NUB1: variants seen among roughly 807,000 people sequenced by gnomAD.
The protein encoded by NUB1 is NEDD8 ultimate buster 1.
NUB1 carries 41 observed loss-of-function variants against 77.1 expected under a neutral mutation model. The observed-to-expected ratio is 0.53, with a 90% CI of 0.41 to 0.69. The LOEUF is 0.69. Ranked by LOEUF, NUB1 falls within the 30% of genes least tolerant of loss-of-function variation. The pLI is 0.00. For synonymous variants in NUB1, 257 were observed against 281.0 expected, an observed-to-expected ratio of 0.91 and a Z score of 0.85; for missense variants, 643 against 743.8, an observed-to-expected ratio of 0.86 and a Z score of 1.58.
intron 5 of NUB1, among the ~76,000 whole-genome samples, chr7:151,354,934 G>A (rs540641319): frequency 2.0e-5 from 3 of 152,242 alleles, no homozygotes; most frequent in East Asian, 3.9e-4. Flanking sequence ...CTGTGGAGAC[G>A]GGGTCCACTG....
chr7:151,345,576 A>G (rs1243626941), intron 2 of NUB1, 110 bp downstream of exon 2: 2 of 602,432 alleles, frequency 3.3e-6, no homozygotes, highest in South Asian at 2.5e-5. Flanking sequence ...AACCAAAAGC[A>G]TTAGTGGTGA....
chr7:151,342,266 C>T (rs1796250478), intron 1 of NUB1, among the ~76,000 whole-genome samples: 1 of 152,192 alleles, frequency 6.6e-6, no homozygotes, highest in African/African-American at 2.4e-5. Context: ...ACTTGATTTT[C>T]TCGAACCTTG....
chr7:151,357,217 G>T (rs892015847), intron 7 of NUB1, among the ~76,000 whole-genome samples: 5 of 143,520 alleles, frequency 3.5e-5, no homozygotes, highest in Admixed American at 7.2e-5. Flanking sequence ...ATGGAGTCTC[G>T]CTCTGTTGCC....
In NUB1 at chr7:151,356,153, A is replaced by G. The variant is rs1797053820; in HGVS notation, c.624A>G (p.Glu208=). Residue 208 remains glutamate, a synonymous_variant, in exon 7 of 15, where the codon GAA becomes GAG. Transcript: ENST00000568733. The part of the protein sequence containing the change: ...KRAAETVVDP[E]MTPYLDIANQ... ...CAGCAGAGACAGTGGTGGATCCAGA[A>G]ATGACACCGTACTTAGACATAGCTA... is the stretch of plus-strand genomic sequence containing the variant. 4 of 1,613,922 alleles carry G rather than the reference A, an allele frequency of 2.5e-6. No homozygotes were observed. Among genetic ancestry groups the G allele is most frequent in the Non-Finnish European group, 3.4e-6 (4 of 1,179,800 alleles).
rs1231185584 is a variant in NUB1, at chr7:151,367,105, CA to C, written c.968del (p.Gln323ArgfsTer6). On this transcript the variant is annotated frameshift_variant, in exon 9 of 15. Coordinates refer to ENST00000568733, the MANE Select transcript of NUB1 (RefSeq NM_001243351.2). LOFTEE classifies it high-confidence loss of function. ...CFKNCYGENHQRLVHIKGNCG... is the reference protein window; with the variant it reads ...CFKNCYGENHXRLVHIKGNCG... ...TAAAAATTGTTACGGAGAAAATCAT[CA>C]GAGACTGGTCCACATAAAAGTATGT... 6.2e-7 allele frequency: 1 copy of C among 1,613,380 alleles called. No individual in the cohort carries two copies. Among genetic ancestry groups the C allele is most frequent in the Non-Finnish European group, 8.5e-7 (1 of 1,179,606 alleles).
chr7:151,347,210 G>A (rs889555477), intron 2 of NUB1, among the ~76,000 whole-genome samples: 3 of 152,024 alleles, frequency 2.0e-5, no homozygotes, highest in Admixed American at 6.6e-5. Flanking sequence ...CGTTAACATA[G>A]GTATATTCTT....
intron 7 of NUB1, among the ~76,000 whole-genome samples, chr7:151,359,387 G>A (rs1335967196): frequency 1.3e-5 from 2 of 150,996 alleles, no homozygotes; most frequent in Admixed American, 1.3e-4. Context: ...AGCTTGCAGT[G>A]AGTCGAGATC....
chr7:151,345,180 A>C (rs1029440522), intron 1 of NUB1, among the ~76,000 whole-genome samples, 168 bp from the exon 2 acceptor site: 4 of 151,866 alleles, frequency 2.6e-5, no homozygotes, highest in African/African-American at 9.6e-5. Context: ...ATATATTTCT[A>C]TATATATTTT....
chr7:151,359,921 T>G (rs919976743), intron 7 of NUB1, among the ~76,000 whole-genome samples: 1 of 152,220 alleles, frequency 6.6e-6, no homozygotes, highest in Non-Finnish European at 1.5e-5. Context: ...CAAGTGCTGG[T>G]TAGGATTGTA....
At chr7:151,343,434 G>A (rs1796309073) in intron 1 of NUB1, among the ~76,000 whole-genome samples, 2 of 152,170 alleles carry the variant, frequency 1.3e-5, no homozygotes, top group Non-Finnish European at 2.9e-5. Flanking sequence ...TGGGTTTGGG[G>A]GGATGTGGAA....
At position 151,377,236 on chromosome 7, in the gene NUB1, G is replaced by T; in HGVS notation, c.*11G>T. 6.7e-7 allele frequency: 1 copy of T among 1,494,322 alleles called. No individual in the cohort carries two copies. Among genetic ancestry groups the T allele is most frequent in the South Asian group, 1.3e-5 (1 of 77,010 alleles). The allele number at this position is 1,494,322 out of a possible 1,614,324, so 92.6% of individuals were successfully genotyped here. A position where few individuals can be genotyped will look rare whatever the true frequency, so the allele number is the denominator to read the frequency against. ...ACAAAGAAAAACTAAATAATGAACA[G>T]AAATAGCGCTAATTTTCTGCTTATA... On this transcript the variant is annotated 3_prime_UTR_variant, in exon 15 of 15. Transcript: ENST00000568733.
intron 2 of NUB1, among the ~76,000 whole-genome samples, chr7:151,346,986 T>G (rs1457469331): frequency 6.6e-6 from 1 of 152,134 alleles, no homozygotes; most frequent in Non-Finnish European, 1.5e-5. Context: ...ACGCTAACTC[T>G]GGGTAGTTAG....
At chr7:151,371,703 T>C (rs563455276) in intron 11 of NUB1, among the ~76,000 whole-genome samples, 1 of 152,246 alleles carries the variant, frequency 6.6e-6, no homozygotes, top group East Asian at 1.9e-4. Context: ...AGTTCCAACG[T>C]TCTAGGTATG....
rs956688490 is a variant in NUB1, at chr7:151,368,082, C to A, written c.1095+114C>A. On this transcript the variant is annotated intron_variant, in intron 10 of 14. Coordinates refer to ENST00000568733, the MANE Select transcript of NUB1 (RefSeq NM_001243351.2). The stretch of plus-strand genomic sequence containing the variant: ...TGTGAGAAACATGCCTGTGCTTTCT[C>A]CGTGCACAGGAGATGTTGAACCAGA... 1.4e-5 allele frequency: 9 copies of A among 639,412 alleles called. No homozygotes were observed. The Middle Eastern group carries it at 1.2e-3, about 88-fold the overall frequency. The allele number at this position is 639,412 out of a possible 1,614,324, so 39.6% of individuals were successfully genotyped here.
At chr7:151,376,035 A>C (rs149764438) in intron 13 of NUB1, 92 bp downstream of exon 13, 3 of 817,584 alleles carry the variant, frequency 3.7e-6, no homozygotes, top group Non-Finnish European at 6.4e-6. Flanking sequence ...GGACTGGGGG[A>C]GTCCGTGCTG....
chr7:151,375,525 G>C (rs1002299181), intron 12 of NUB1, among the ~76,000 whole-genome samples: 13 of 152,208 alleles, frequency 8.5e-5, no homozygotes, highest in African/African-American at 3.1e-4. Flanking sequence ...CAATCAGGCA[G>C]CCCTGAGCTG....
Position 151,367,188 on chromosome 7 carries a change from T to A in NUB1, c.987+63T>A, listed in dbSNP as rs139887812. ...CATTTCTAGCATTTGTGTTTATTCC[T>A]GTTAAAGTATTTGAACTACTGCCAG... On this transcript the variant is annotated intron_variant, in intron 9 of 14. Transcript: ENST00000568733. 1,072 of 1,380,774 alleles carry A rather than the reference T, an allele frequency of 7.8e-4. 10 individuals are homozygous for A. In the African/African-American group the frequency reaches 0.014, roughly 18 times the overall value. 85.5% of individuals were successfully genotyped at this position (1,380,774 alleles called of 1,614,324 possible).
intron 5 of NUB1, among the ~76,000 whole-genome samples, chr7:151,355,096 G>A (rs1211178848): frequency 6.6e-6 from 1 of 152,210 alleles, no homozygotes; most frequent in Non-Finnish European, 1.5e-5. Context: ...GTTTGTAGCT[G>A]TGAATTGGCT....
intron 11 of NUB1, among the ~76,000 whole-genome samples, chr7:151,373,854 T>C (rs1798076376): frequency 6.6e-6 from 1 of 151,990 alleles, no homozygotes; most frequent in Admixed American, 6.5e-5. Context: ...AGGCACCTCC[T>C]TCCTGCCCCA....
Sources: allele counts gnomAD v4.1 joint callset (sites outside exome capture counted in the v4.1 genomes callset), GRCh38; gene constraint gnomAD v4.1.1; transcripts MANE v1.5; gene names NCBI Gene and HGNC (gene_info 2026-07-23, HGNC 2026-07-21).